The following SMARCA2 variants were observed in gnomAD, a reference collection of about 807,000 sequenced individuals.
SMARCA2 encodes SWI/SNF-related matrix-associated actin-dependent regulator of chromatin subfamily A member 2.
A neutral mutation model predicts 199.8 loss-of-function variants in SMARCA2; 61 were observed. That is an observed-to-expected ratio of 0.31 (90% CI 0.25 to 0.38). The LOEUF is 0.38. Ranked by LOEUF, SMARCA2 falls within the 10% of genes least tolerant of loss-of-function variation. The probability of loss-of-function intolerance (pLI) is 1.00; values close to 1 mark genes in which losing one functional copy is unlikely to be tolerated. For synonymous variants in SMARCA2, 935 were observed against 732.0 expected, an observed-to-expected ratio of 1.28 and a Z score of -4.48; for missense variants, 1,344 against 2,012.2, an observed-to-expected ratio of 0.67 and a Z score of 6.35.
intron 29 of SMARCA2, among the ~76,000 whole-genome samples, chr9:2,174,639 G>T (rs376686709): frequency 2.0e-5 from 3 of 152,258 alleles, no homozygotes; most frequent in African/African-American, 4.8e-5. Flanking sequence ...GGAAGCAAAG[G>T]CCAGGCACAG....
In SMARCA2 at chr9:2,079,313, C is replaced by G. The variant is rs548441737; in HGVS notation, c.2184+1537C>G. On this transcript the variant is annotated intron_variant, in intron 14 of 33. Coordinates refer to ENST00000349721, the MANE Select transcript of SMARCA2 (RefSeq NM_003070.5). ...CTACCAAACCCTATTTTTATATCAC[C>G]AATTAACATCCTGTAAGACTAGCGT... 9.2e-5 allele frequency among the ~76,000 whole-genome samples: 14 copies of G among 152,258 alleles called. No individual in the cohort carries two copies. In the South Asian group the frequency reaches 2.7e-3, roughly 29 times the overall value.
intron 32 of SMARCA2, among the ~76,000 whole-genome samples, chr9:2,189,691 C>G (rs1399363933): frequency 6.6e-6 from 1 of 151,928 alleles, no homozygotes; most frequent in Non-Finnish European, 1.5e-5. Flanking sequence ...TATAGCTTGT[C>G]AAGCAGCAGA....
chr9:2,100,303 A>G (rs182993485), intron 21 of SMARCA2, among the ~76,000 whole-genome samples: 25 of 152,328 alleles, frequency 1.6e-4, no homozygotes, highest in Admixed American at 3.3e-4. Context: ...GAGTTATGTG[A>G]TTACGTTCTG....
chr9:2,053,559 CTG>C (rs760130804), intron 5 of SMARCA2, among the ~76,000 whole-genome samples: 1 of 152,134 alleles, frequency 6.6e-6, no homozygotes, highest in Non-Finnish European at 1.5e-5. Context: ...AGAGGCGTGT[CTG>C]TGTGTGTAAG....
chr9:2,050,050 T>C (rs1042720096), intron 5 of SMARCA2, among the ~76,000 whole-genome samples: 1 of 152,234 alleles, frequency 6.6e-6, no homozygotes, highest in African/African-American at 2.4e-5. Context: ...TGACAGGAAG[T>C]TTTCAGCATC....
intron 9 of SMARCA2, among the ~76,000 whole-genome samples, chr9:2,069,553 T>C (rs1224001868): frequency 3.3e-5 from 5 of 150,204 alleles, no homozygotes; most frequent in South Asian, 2.1e-4. Context: ...AGCAAGACTC[T>C]GTCTCAAAAA....
chr9:2,070,673 C>T (rs139644384), intron 10 of SMARCA2, among the ~76,000 whole-genome samples: 43 of 152,294 alleles, frequency 2.8e-4, no homozygotes, highest in African/African-American at 8.7e-4. Flanking sequence ...GTCAGACTGT[C>T]AATCAACTGA....
At chr9:2,081,648 T>C (rs150464229) in intron 14 of SMARCA2, among the ~76,000 whole-genome samples, 184 bp from the exon 15 acceptor site, 43 of 152,328 alleles carry the variant, frequency 2.8e-4, no homozygotes, top group African/African-American at 9.1e-4. Context: ...AGCTTACTCA[T>C]GGAGAGAATG....
At chr9:2,177,783 C>T (rs1173729222) in intron 29 of SMARCA2, among the ~76,000 whole-genome samples, 1 of 152,078 alleles carries the variant, frequency 6.6e-6, no homozygotes, top group Non-Finnish European at 1.5e-5. Flanking sequence ...AACTCCTGAC[C>T]TCAGGTGATC....
chr9:2,093,082 A>G (rs1167871865), intron 19 of SMARCA2, among the ~76,000 whole-genome samples: 1 of 152,204 alleles, frequency 6.6e-6, no homozygotes, highest in Non-Finnish European at 1.5e-5. Context: ...GAGGCACAAT[A>G]TACCAGAAAT....
At chr9:2,176,185 T>TTTTTTTTTGTTTTTG (rs1826585485) in intron 29 of SMARCA2, among the ~76,000 whole-genome samples, 1 of 117,560 alleles carries the variant, frequency 8.5e-6, no homozygotes, top group African/African-American at 4.2e-5. Flanking sequence ...CCGGCCTGTT[T>TTTTTTTTTGTTTTTG]TTTTTTTTTT....
intron 29 of SMARCA2, among the ~76,000 whole-genome samples, chr9:2,173,414 A>C (rs149274033): frequency 2.2e-4 from 34 of 152,352 alleles, no homozygotes; most frequent in African/African-American, 7.9e-4. Flanking sequence ...CTGTAATGAT[A>C]GCTCTCAAGC....
chr9:2,172,473 G>T (rs568441705), intron 29 of SMARCA2, among the ~76,000 whole-genome samples: 4 of 151,798 alleles, frequency 2.6e-5, no homozygotes, highest in South Asian at 4.2e-4. Flanking sequence ...GTGCGGGAAG[G>T]GGGGATGTAG....
At chr9:2,146,612 A>G (rs1233404796) in intron 27 of SMARCA2, among the ~76,000 whole-genome samples, 3 of 152,220 alleles carry the variant, frequency 2.0e-5, no homozygotes, top group Non-Finnish European at 4.4e-5. Flanking sequence ...AAGCAAGTTT[A>G]TTAGGAAAGT....
chr9:2,088,067 C>T (rs1451863432), intron 18 of SMARCA2, among the ~76,000 whole-genome samples: 4 of 152,176 alleles, frequency 2.6e-5, no homozygotes, highest in African/African-American at 9.7e-5. Flanking sequence ...AGCCCCTGTT[C>T]CTTTAGTATG....
At chr9:2,171,202 TAA>T (rs1826230722) in intron 29 of SMARCA2, among the ~76,000 whole-genome samples, 1 of 152,176 alleles carries the variant, frequency 6.6e-6, no homozygotes, top group African/African-American at 2.4e-5. Context: ...CTTATTAATA[TAA>T]GAGAGATAAC....
At chr9:2,158,176 A>T (rs1051640103) in intron 27 of SMARCA2, 2 of 260,882 alleles carry the variant, frequency 7.7e-6, no homozygotes, top group Admixed American at 1.1e-4. Context: ...AAAAAAAAAA[A>T]AAAAAAAAGG....
At chr9:2,154,135 T>A (rs1825217470) in intron 27 of SMARCA2, among the ~76,000 whole-genome samples, 1 of 152,234 alleles carries the variant, frequency 6.6e-6, no homozygotes, top group South Asian at 2.1e-4. Flanking sequence ...CTCAGTTTCC[T>A]CATCTGCAAA....
At chr9:2,148,748 A>G (rs1204587020) in intron 27 of SMARCA2, among the ~76,000 whole-genome samples, 1 of 151,306 alleles carries the variant, frequency 6.6e-6, no homozygotes, top group African/African-American at 2.4e-5. Context: ...GCCTCTAGTA[A>G]TCCTCCTGCC....
Sources: allele counts gnomAD v4.1 joint callset (sites outside exome capture counted in the v4.1 genomes callset), GRCh38; gene constraint gnomAD v4.1.1; transcripts MANE v1.5; gene names NCBI Gene and HGNC (gene_info 2026-07-23, HGNC 2026-07-21).